MYBPC3: variants seen among roughly 807,000 people sequenced by gnomAD.
The protein encoded by MYBPC3 is myosin binding protein C3, also known as myosin-binding protein C, cardiac-type.
In MYBPC3, 108 loss-of-function variants were observed where a neutral mutation model predicts 159.3. That is an observed-to-expected ratio of 0.68 (90% CI 0.58 to 0.80). The LOEUF (loss-of-function observed/expected upper bound fraction) is 0.80. MYBPC3 is among the 30% of genes least tolerant of loss of function. The probability of loss-of-function intolerance (pLI) is 0.00; values close to 1 mark genes in which losing one functional copy is unlikely to be tolerated. For synonymous variants in MYBPC3, 730 were observed against 702.0 expected (o/e 1.04, Z -0.63); for missense variants, 1,631 against 1,762.1 (o/e 0.93, Z 1.33).
chr11:47,343,382 G>C (rs2095891082), intron 13 of MYBPC3, 110 bp downstream of exon 13: 7 of 1,481,918 alleles, frequency 4.7e-6, no homozygotes. Flanking sequence ...CCAGAGAGAT[G>C]GGGCTGAGAG....
rs1020422858 is a variant in MYBPC3 at position 47,346,535 on chromosome 11, G to T, written c.926+92C>A. The T allele has an allele frequency of 5.4e-6, 8 of 1,490,772 alleles. No homozygotes were observed. Among genetic ancestry groups the T allele is most frequent in the Non-Finnish European group, 6.3e-6 (7 of 1,108,598 alleles). The allele number at this position is 1,490,772 out of a possible 1,614,324, so 92.3% of individuals were successfully genotyped here. ...TGGGTCCCAGGCCAGGCAGGACTGGGGGCCAAGGGAGCTGAAGAGGGGCTG... is the reference window on the plus strand; with the variant it reads ...TGGGTCCCAGGCCAGGCAGGACTGGTGGCCAAGGGAGCTGAAGAGGGGCTG... On this transcript the variant is annotated intron_variant, in intron 11 of 34. Transcript: ENST00000545968. The surrounding 1 kb of genome is among the most constrained non-coding windows in gnomAD (Gnocchi z 5.3).
At position 47,332,490 on chromosome 11, in the gene MYBPC3, G is replaced by C; in HGVS notation, c.3627+76C>G. ...AGAGAAAGCAGGGGAGACAGGCTGG[G>C]GAGAGGACTGCTCAACGTCGGGGCC... On this transcript the variant is annotated intron_variant, in intron 32 of 34. Transcript: ENST00000545968. The surrounding 1 kb of genome is among the most constrained non-coding windows in gnomAD (Gnocchi z 4.2). 1 of 1,552,802 alleles carries C rather than the reference G, an allele frequency of 6.4e-7. No homozygotes were observed. Among genetic ancestry groups the C allele is most frequent in the Non-Finnish European group, 8.7e-7 (1 of 1,147,490 alleles).
Position 47,331,519 on chromosome 11 carries a change from C to T in MYBPC3, c.*224G>A, listed in dbSNP as rs1383114721. On this transcript the variant is annotated 3_prime_UTR_variant, in exon 35 of 35. Transcript: ENST00000545968. ...TTTCTTGAGGCCACCCTCCTTTTAC[C>T]CCAAAGATCCAGGGGCTTCCTTCAG... is the stretch of plus-strand genomic sequence containing the variant. 3.9e-6 allele frequency: 1 copy of T among 259,010 alleles called. No homozygotes were observed. Among genetic ancestry groups the T allele is most frequent in the Non-Finnish European group, 7.3e-6 (1 of 136,298 alleles). 16.0% of individuals were successfully genotyped at this position (259,010 alleles called of 1,614,324 possible).
In MYBPC3 at chr11:47,331,467, G is replaced by T. The variant is rs1041699133; in HGVS notation, c.*276C>A. ...AATAAACATTGGGAAGACATAGCAGGCCAGAAAGGCCTGTCCCCAGACATT... is the reference window on the plus strand; with the variant it reads ...AATAAACATTGGGAAGACATAGCAGTCCAGAAAGGCCTGTCCCCAGACATT... On this transcript the variant is annotated 3_prime_UTR_variant, in exon 35 of 35. Coordinates refer to ENST00000545968, the MANE Select transcript of MYBPC3 (RefSeq NM_000256.3). 9 of 191,186 alleles carry T rather than the reference G, an allele frequency of 4.7e-5. No homozygotes were observed. Among genetic ancestry groups the T allele is most frequent in the Non-Finnish European group, 8.5e-5 (8 of 93,650 alleles). 11.8% of individuals were successfully genotyped at this position (191,186 alleles called of 1,614,324 possible).
In MYBPC3 at chr11:47,351,442, T is replaced by C; in HGVS notation, c.89A>G (p.Glu30Gly). The change falls in exon 2 of 35, where the codon GAG becomes GGG. Residue 30 changes from glutamate to glycine, a missense_variant. Glu to Gly is a moderately conservative substitution (Grantham distance 98, BLOSUM62 -2). Transcript: ENST00000545968. The surrounding 1 kb of genome is among the most constrained non-coding windows in gnomAD (Gnocchi z 4.2). ...CACTCCTGCCCGCTCTGTCTCGGCC[T>C]CGAACACGGCAGGGCTGCCTGCGGC... ...EVAAGSPAVF[E>G]AETERAGVKV... The C allele has an allele frequency of 6.2e-7, 1 of 1,608,724 alleles. No homozygotes were observed. Among genetic ancestry groups the C allele is most frequent in the Non-Finnish European group, 8.5e-7 (1 of 1,177,610 alleles).
intron 1 of MYBPC3, 65 bp downstream of exon 1, chr11:47,352,558 C>A: frequency 6.3e-7 from 1 of 1,592,790 alleles, no homozygotes; most frequent in South Asian, 1.1e-5. Flanking sequence ...CCTCCTAGCC[C>A]TGCTCCCCAA....
chr11:47,340,307 G>A (rs1358673050), intron 20 of MYBPC3, among the ~76,000 whole-genome samples: 6 of 151,916 alleles, frequency 3.9e-5, no homozygotes, highest in African/African-American at 1.4e-4. Flanking sequence ...ACACATGCAC[G>A]CACACATGCA....
chr11:47,347,206 A>C (rs991233080), intron 9 of MYBPC3, 177 bp from the exon 10 acceptor site: 10 of 985,142 alleles, frequency 1.0e-5, no homozygotes, highest in African/African-American at 1.7e-5. Flanking sequence ...TCAAGTGTGG[A>C]GTGGCCGTGG....
Position 47,350,020 on chromosome 11 carries a change from T to C in MYBPC3, c.499A>G (p.Thr167Ala). 6.4e-7 allele frequency: 1 copy of C among 1,560,716 alleles called. No homozygotes were observed. Among genetic ancestry groups the C allele is most frequent in the Non-Finnish European group, 8.7e-7 (1 of 1,152,460 alleles). Residue 167 changes from threonine to alanine, a missense_variant, in exon 4 of 35, where the codon ACC (threonine) becomes GCC (alanine). Coordinates refer to ENST00000545968, the MANE Select transcript of MYBPC3 (RefSeq NM_000256.3). ...CACAGCAGCTCACACTCACCCACGG[T>C]CACCTCGCCATCCTGTGGCCGCATC... ...FVMRPQDGEVTVGGSITFSAR... is the reference protein window; with the variant it reads ...FVMRPQDGEVAVGGSITFSAR...
rs1283718652 is a variant in MYBPC3, at chr11:47,338,609, C to G, written c.2219G>C (p.Gly740Ala). The change falls in exon 23 of 35, where the codon GGG (glycine) becomes GCG (alanine). Residue 740 changes from glycine (G) to alanine (A), a missense_variant. Physicochemically the swap from Gly to Ala is moderately conservative, Grantham distance 60. Transcript: ENST00000545968. This position sits in a 1 kb window ranked among gnomAD's most constrained non-coding sequence, Gnocchi z 4.7. ...TKDRSIFTVE[G>A]AEKEDEGVYT... ...GACGCCCTCATCTTCCTTCTCTGCC[C>G]CCTCGACCGTGAAGATGCTGCGGTC... 1.5e-5 allele frequency: 25 copies of G among 1,613,980 alleles called. No homozygotes were observed. Among genetic ancestry groups the G allele is most frequent in the Non-Finnish European group, 2.1e-5 (25 of 1,179,896 alleles).
In MYBPC3 at chr11:47,335,942, C is replaced by T. The variant is rs727504378; in HGVS notation, c.2672G>A (p.Arg891Gln). Residue 891 changes from arginine to glutamine, a missense_variant, in exon 26 of 35, where the codon CGG becomes CAG. By Grantham distance (43) the Arg-to-Gln change is conservative. Transcript: ENST00000545968. The part of the protein sequence containing the change: ...VSDTTVSLKW[R>Q]PPERVGAGGL... ...TCCTGCTCCCACGCGCTCTGGGGGC[C>T]GCCACTTGAGGGAGACCGTGGTGTC... is the stretch of plus-strand genomic sequence containing the variant. The T allele has an allele frequency of 3.3e-5, 51 of 1,563,066 alleles. No individual in the cohort carries two copies. The highest frequency in any genetic ancestry group is 6.8e-5 in the African/African-American group (5 of 73,044).
chr11:47,341,287 A>C (rs1020963694), intron 18 of MYBPC3, 43 bp from the exon 19 acceptor site: 1 of 1,468,408 alleles, frequency 6.8e-7, no homozygotes, highest in Admixed American at 2.0e-5. Context: ...TGGGCCACAC[A>C]CCCCTGGCCT....
intron 28 of MYBPC3, 44 bp from the exon 29 acceptor site, chr11:47,333,796 G>A: frequency 1.3e-6 from 2 of 1,558,240 alleles, no homozygotes; most frequent in Non-Finnish European, 1.7e-6. Context: ...ATCACTCCAA[G>A]GGCCGGCCGC....
intron 9 of MYBPC3, 114 bp downstream of exon 9, chr11:47,347,312 C>G (rs2095895293): frequency 6.5e-7 from 1 of 1,529,036 alleles, no homozygotes; most frequent in Non-Finnish European, 8.8e-7. Flanking sequence ...GACAAGGAAA[C>G]CAACTCAGAG....
At chr11:47,347,783 AC>A in intron 7 of MYBPC3, 73 bp downstream of exon 7, 7 of 1,546,028 alleles carry the variant, frequency 4.5e-6, no homozygotes, top group Non-Finnish European at 5.2e-6. Context: ...CCCAGCCCTG[AC>A]CCCCAGTCGA....
Position 47,351,307 on chromosome 11 carries a change from T to C in MYBPC3, c.224A>G (p.Asp75Gly). 2 of 1,578,078 alleles carry C rather than the reference T, an allele frequency of 1.3e-6. No homozygotes were observed. Among genetic ancestry groups the C allele is most frequent in the Non-Finnish European group, 1.7e-6 (2 of 1,161,510 alleles). The change falls in exon 2 of 35, where the codon GAC becomes GGC. Residue 75 changes from aspartate (D) to glycine (G), a missense_variant. Physicochemically the swap from Asp to Gly is moderately conservative, Grantham distance 94. Transcript: ENST00000545968. This position sits in a 1 kb window ranked among gnomAD's most constrained non-coding sequence, Gnocchi z 4.2. Reference protein sequence around the residue: ...TLTVREVGPADQGSYAVIAGS... With the variant: ...TLTVREVGPAGQGSYAVIAGS... ...AGCAATGACTGCGTAAGATCCCTGG[T>C]CGGCAGGGCCCACTTCCCGCACTGT...
intron 20 of MYBPC3, among the ~76,000 whole-genome samples, chr11:47,340,662 G>A (rs986179147): frequency 1.3e-5 from 2 of 151,628 alleles, no homozygotes; most frequent in South Asian, 2.1e-4. Flanking sequence ...GGGAGACTCC[G>A]TCTCAAAAAA....
rs2095878068 is a variant in MYBPC3, at chr11:47,332,396, CAT to C, written c.3628-140_3628-139del. 1 of 1,423,396 alleles carries C rather than the reference CAT, an allele frequency of 7.0e-7. No individual in the cohort carries two copies. The highest frequency in any genetic ancestry group is 1.4e-5 in the African/African-American group (1 of 70,528). The allele number at this position is 1,423,396 out of a possible 1,614,324, so 88.2% of individuals were successfully genotyped here. On this transcript the variant is annotated intron_variant, in intron 32 of 34. Transcript: ENST00000545968. This position sits in a 1 kb window ranked among gnomAD's most constrained non-coding sequence, Gnocchi z 4.2. ...GACTATGCCCAAGGCTGGAAACAAA[CAT>C]GGAACCAAGAGTGAGTACCATGGCC...
At chr11:47,333,106 C>T in intron 30 of MYBPC3, 88 bp downstream of exon 30, 2 of 1,527,876 alleles carry the variant, frequency 1.3e-6, no homozygotes, top group Non-Finnish European at 8.8e-7. Context: ...GGTGAGGGGT[C>T]CACGGTGAGG....
Sources: allele counts gnomAD v4.1 joint callset (sites outside exome capture counted in the v4.1 genomes callset), GRCh38; gene constraint gnomAD v4.1.1; non-coding constraint Gnocchi (gnomAD v3.1); transcripts MANE v1.5; gene names NCBI Gene and HGNC (gene_info 2026-07-23, HGNC 2026-07-21).